Variants in KLHL13 observed in about 807,000 individuals in gnomAD.
KLHL13 encodes kelch like family member 13.
In KLHL13, 10 loss-of-function variants were observed where a neutral mutation model predicts 37.1. That is an observed-to-expected ratio of 0.27 (90% CI 0.17 to 0.46). The LOEUF (loss-of-function observed/expected upper bound fraction) is 0.46, where lower values mean the gene tolerates loss of function less well. KLHL13 is among the 20% of genes least tolerant of loss of function. The pLI, the probability that KLHL13 is intolerant of heterozygous loss-of-function variation, is 1.00. For missense variants in KLHL13, 360 were observed against 509.3 expected (o/e 0.71, Z 2.82); for synonymous variants, 163 against 181.2 (o/e 0.90, Z 0.81).
chrX:118,059,532 T>C (rs1463780603), intron 1 of KLHL13, among the ~76,000 whole-genome samples: 1 of 112,030 alleles, frequency 8.9e-6, no homozygotes, highest in Non-Finnish European at 1.9e-5. Flanking sequence ...AATTTCACTC[T>C]ATATCACTAT....
chrX:118,060,039 T>C (rs972004798), intron 1 of KLHL13, among the ~76,000 whole-genome samples: 1 of 111,688 alleles, frequency 9.0e-6, no homozygotes, highest in African/African-American at 3.3e-5. Flanking sequence ...ATTAGGAATA[T>C]AAATATGAAC....
chrX:118,068,676 A>C (rs1042154367), intron 1 of KLHL13, among the ~76,000 whole-genome samples: 2 of 111,402 alleles, frequency 1.8e-5, no homozygotes, highest in African/African-American at 6.5e-5. Flanking sequence ...ACAGATAAGA[A>C]GCCAACACTG....
chrX:118,078,638 A>G (rs1290933481), intron 1 of KLHL13, among the ~76,000 whole-genome samples: 1 of 111,629 alleles, frequency 9.0e-6, no homozygotes, highest in African/African-American at 3.2e-5. Context: ...GTGTACATAC[A>G]CCACGTTTGT....
At chrX:117,901,995 CAATT>C (rs377021530) in intron 5 of KLHL13, 49 bp from the exon 7 acceptor site, 2 of 669,128 alleles carry the variant, frequency 3.0e-6, no homozygotes. Flanking sequence ...TCAAATTTAG[CAATT>C]AATTATTTTT....
At chrX:118,091,458 C>A (rs1277785218) in intron 1 of KLHL13, among the ~76,000 whole-genome samples, 1 of 110,628 alleles carries the variant, frequency 9.0e-6, no homozygotes, top group African/African-American at 3.3e-5. Flanking sequence ...AAAGAAGAAC[C>A]AAATGGATCT....
At chrX:117,971,272 G>A (rs1483692494) in intron 1 of KLHL13, among the ~76,000 whole-genome samples, 1 of 110,907 alleles carries the variant, frequency 9.0e-6, no homozygotes, top group African/African-American at 3.3e-5. Context: ...TTTTAGTGAG[G>A]TTTTGTTTTG....
chrX:118,078,985 G>A (rs2054959032), intron 1 of KLHL13, among the ~76,000 whole-genome samples: 1 of 110,189 alleles, frequency 9.1e-6, no homozygotes, highest in Non-Finnish European at 1.9e-5. Context: ...GTTCCTAGGG[G>A]TATCTCATAT....
Position 117,939,569 on chromosome X carries a change from G to C in KLHL13, c.240+5865C>G, listed in dbSNP as rs763498335. Among the ~76,000 whole-genome samples the C allele has an allele frequency of 2.8e-3, 316 of 112,143 alleles. 2 individuals are homozygous for C. The highest frequency in any genetic ancestry group is 5.1e-3 in the Non-Finnish European group (272 of 53,208). On this transcript the variant is annotated intron_variant, in intron 2 of 6. Coordinates refer to ENST00000262820, the Ensembl canonical transcript of KLHL13. ...ATACACCCACCAACAGAGTAAACGT[G>C]TTCCTATTTCTCCACATCCTCTCCA...
intron 4 of KLHL13, among the ~76,000 whole-genome samples, chrX:117,918,659 G>A (rs1413130167): frequency 9.0e-6 from 1 of 111,392 alleles, no homozygotes; most frequent in African/African-American, 3.3e-5. Flanking sequence ...CTCTCTTCAG[G>A]AACTGGGTGA....
chrX:117,934,652 T>C (rs1052193063), intron 2 of KLHL13, among the ~76,000 whole-genome samples: 2 of 110,311 alleles, frequency 1.8e-5, no homozygotes, highest in African/African-American at 6.6e-5. Context: ...CTAGAATACA[T>C]ATATATGTAA....
At chrX:118,057,681 T>C (rs2054699759) in intron 1 of KLHL13, among the ~76,000 whole-genome samples, 1 of 109,795 alleles carries the variant, frequency 9.1e-6, no homozygotes, top group Admixed American at 9.7e-5. Context: ...AAAAAATTAG[T>C]CGGGTGTGGT....
intron 1 of KLHL13, among the ~76,000 whole-genome samples, chrX:118,032,020 T>C (rs542588029): frequency 9.0e-6 from 1 of 111,356 alleles, no homozygotes; most frequent in African/African-American, 3.3e-5. Flanking sequence ...ACCCGAATAC[T>C]GCGCTTTTCC....
intron 1 of KLHL13, among the ~76,000 whole-genome samples, chrX:118,078,445 A>C (rs6646067): frequency 9.0e-6 from 1 of 111,218 alleles, no homozygotes; most frequent in East Asian, 2.8e-4. Context: ...AGCAAGCACT[A>C]ACTTGTTTTC....
chrX:117,978,994 G>A (rs973323887), intron 1 of KLHL13, among the ~76,000 whole-genome samples: 6 of 110,780 alleles, frequency 5.4e-5, no homozygotes, highest in African/African-American at 1.6e-4. Flanking sequence ...GCAGTGCCAC[G>A]ATCTTGGCTC....
chrX:117,938,096 C>G lies in KLHL13; in HGVS notation c.240+7338G>C, dbSNP rs189268582. Among the ~76,000 whole-genome samples, 169 of 112,102 alleles carry G rather than the reference C, an allele frequency of 1.5e-3. 2 individuals are homozygous for G. Among genetic ancestry groups the G allele is most frequent in the African/African-American group, 5.3e-3 (164 of 30,905 alleles). ...ATGATAGCATGTATTAGTACTTCAT[C>G]TTTTAAAATAGCTGGATCATATTAC... On this transcript the variant is annotated intron_variant, in intron 2 of 6. Transcript: ENST00000262820.
chrX:117,985,343 T>C, intron 1 of KLHL13: 1 of 1,118,474 alleles, frequency 8.9e-7, no homozygotes, highest in Non-Finnish European at 1.2e-6. Context: ...TTAAGAGCTG[T>C]GATGCACAGC....
At chrX:117,989,514 AGAG>A (rs757567066) in intron 1 of KLHL13, among the ~76,000 whole-genome samples, 2 of 110,310 alleles carry the variant, frequency 1.8e-5, no homozygotes, top group African/African-American at 3.3e-5. Flanking sequence ...TGGCTGGAGG[AGAG>A]GAGAAGTAAG....
At chrX:118,107,532 AAAT>A (rs763146170) in intron 1 of KLHL13, among the ~76,000 whole-genome samples, 4 of 112,290 alleles carry the variant, frequency 3.6e-5, no homozygotes, top group Non-Finnish European at 7.5e-5. Flanking sequence ...AAATCTATGA[AAAT>A]AATAATAAGT....
At position 117,920,391 on chromosome X, in the gene KLHL13, G is replaced by A. The variant is rs199683629; in HGVS notation, c.241-21C>T. The A allele has an allele frequency of 2.5e-6, 3 of 1,194,134 alleles. No homozygotes were observed. The African/African-American group carries it at 5.3e-5, about 21-fold the overall frequency. Reference sequence around the variant, plus strand: ...AAGCCCTACAACAAGAACATGAGTTGAGTCACTAATCAAGGTAAAATGAGG... The same window carrying A: ...AAGCCCTACAACAAGAACATGAGTTAAGTCACTAATCAAGGTAAAATGAGG... On this transcript the variant is annotated intron_variant, in intron 2 of 6. Transcript: ENST00000262820.
Sources: allele counts gnomAD v4.1 joint callset (sites outside exome capture counted in the v4.1 genomes callset), GRCh38; gene constraint gnomAD v4.1.1; transcripts MANE v1.5; gene names NCBI Gene and HGNC (gene_info 2026-07-23, HGNC 2026-07-21).